Variants in SIRT7 observed in about 807,000 individuals in gnomAD.
The protein encoded by SIRT7 is NAD-dependent protein deacetylase sirtuin-7.
SIRT7 carries 32 observed loss-of-function variants against 42.8 expected under a neutral mutation model. That is an observed-to-expected ratio of 0.75 (90% CI 0.56 to 1.00). SIRT7 has a LOEUF of 1.00. SIRT7 is among the 50% of genes least tolerant of loss of function. The probability of loss-of-function intolerance (pLI) is 0.00; values close to 1 mark genes in which losing one functional copy is unlikely to be tolerated. For missense variants in SIRT7, 553 were observed against 572.2 expected, an observed-to-expected ratio of 0.97 and a Z score of 0.34; for synonymous variants, 297 against 245.2, an observed-to-expected ratio of 1.21 and a Z score of -1.97.
In SIRT7 at chr17:81,915,643, C is replaced by G. The variant is rs777713980; in HGVS notation, c.375G>C (p.Val125=). The part of the protein sequence containing the change: ...SIPDYRGPNG[V]WTLLQKGRSV... ...TTCTCCCTTTCTGAAGCAGTGTCCA[C>G]ACTCCATTAGGGCCCCGGTAGTCTG... is the stretch of plus-strand genomic sequence containing the variant. Residue 125 remains valine (V), a synonymous_variant, in exon 4 of 10, where the codon GTG becomes GTC. Transcript: ENST00000328666. 27 of 1,613,842 alleles carry G rather than the reference C, an allele frequency of 1.7e-5. No individual in the cohort carries two copies. The highest frequency in any genetic ancestry group is 2.3e-5 in the Non-Finnish European group (27 of 1,180,020).
At chr17:81,912,720 C>A in intron 9 of SIRT7, 106 bp from the exon 10 acceptor site, 1 of 1,236,056 alleles carries the variant, frequency 8.1e-7, no homozygotes, top group Non-Finnish European at 1.2e-6. Context: ...CCATCCCCTT[C>A]CCTCCCGTGT....
In SIRT7 at chr17:81,914,285, G is replaced by C. The variant is rs199842246; in HGVS notation, c.816+9C>G. ...GGCTCGGTTCACTCATTGTGTCATC[G>C]GCACGTACCTTCAGGCTGGACCCTA... is the stretch of plus-strand genomic sequence containing the variant. On this transcript the variant is annotated intron_variant, in intron 7 of 9. Coordinates refer to ENST00000328666, the MANE Select transcript of SIRT7 (RefSeq NM_016538.3). The C allele has an allele frequency of 3.1e-6, 5 of 1,612,940 alleles. No individual in the cohort carries two copies. In the African/African-American group the frequency reaches 5.3e-5, roughly 17 times the overall value.
chr17:81,913,890 G>A lies in SIRT7; in HGVS notation c.898-10C>T, dbSNP rs2040740635. The A allele has an allele frequency of 2.6e-6, 4 of 1,550,756 alleles. No homozygotes were observed. The highest frequency in any genetic ancestry group is 3.5e-6 in the Non-Finnish European group (4 of 1,147,362). ...CATCCTTCGGGGTCCACTGAGGACA[G>A]GGAAAGCCGAGTGAGAGTAACAGCA... On this transcript the variant is annotated splice_polypyrimidine_tract_variant and intron_variant, in intron 8 of 9. Coordinates refer to ENST00000328666, the MANE Select transcript of SIRT7 (RefSeq NM_016538.3). This position sits in a 1 kb window ranked among gnomAD's most constrained non-coding sequence, Gnocchi z 5.0.
chr17:81,914,547 A>C lies in SIRT7; in HGVS notation c.580-17T>G. 6.2e-7 allele frequency: 1 copy of C among 1,612,978 alleles called. No homozygotes were observed. The highest frequency in any genetic ancestry group is 8.5e-7 in the Non-Finnish European group (1 of 1,179,828). On this transcript the variant is annotated splice_polypyrimidine_tract_variant and intron_variant, in intron 6 of 9. Coordinates refer to ENST00000328666, the MANE Select transcript of SIRT7 (RefSeq NM_016538.3). ...GGTACAGACCTAGAGGCAAGAGGGC[A>C]CAGTGAGTGGGACCCGCCTGCCCAT...
intron 3 of SIRT7, 21 bp from the exon 4 acceptor site, chr17:81,915,702 T>C (rs1299559563): frequency 6.2e-7 from 1 of 1,612,598 alleles, no homozygotes; most frequent in Non-Finnish European, 8.5e-7. Flanking sequence ...AGAAAAAAGG[T>C]AAGCCAAGTC....
intron 5 of SIRT7, 176 bp from the exon 6 acceptor site, chr17:81,914,878 G>A: frequency 1.6e-6 from 1 of 606,866 alleles, no homozygotes; most frequent in East Asian, 2.8e-5. Context: ...CAACCACCAG[G>A]AGTCAAGAGG....
intron 6 of SIRT7, 37 bp from the exon 7 acceptor site, chr17:81,914,567 G>A: frequency 6.2e-7 from 1 of 1,612,474 alleles, no homozygotes. Context: ...GGACCCGCCT[G>A]CCCATGGAGA....
rs1475483196 is a variant in SIRT7, at chr17:81,918,093, C to A, written c.39G>T (p.Ala13=). The part of the protein sequence containing the change: ...AGGLSRSERK[A]AERVRRLREE... ...CCCGCAACCTCCGGACCCGCTCCGC[C>A]GCTTTGCGCTCGGAGCGGCTCAGAC... The change falls in exon 1 of 10, where the codon GCG becomes GCT. Residue 13 remains alanine, a synonymous_variant. Coordinates refer to ENST00000328666, the MANE Select transcript of SIRT7 (RefSeq NM_016538.3). 15 of 1,551,640 alleles carry A rather than the reference C, an allele frequency of 9.7e-6. No individual in the cohort carries two copies. Among genetic ancestry groups the A allele is most frequent in the Non-Finnish European group, 1.2e-5 (14 of 1,160,114 alleles).
At position 81,917,959 on chromosome 17, in the gene SIRT7, G is replaced by T; in HGVS notation, c.102C>A (p.Arg34=). The T allele has an allele frequency of 7.4e-7, 1 of 1,357,490 alleles. No homozygotes were observed. Among genetic ancestry groups the T allele is most frequent in the Non-Finnish European group, 9.4e-7 (1 of 1,061,466 alleles). The allele number at this position is 1,357,490 out of a possible 1,614,324, so 84.1% of individuals were successfully genotyped here. The change falls in exon 2 of 10, where the codon CGC becomes CGA. Residue 34 remains arginine (R), a synonymous_variant. Coordinates refer to ENST00000328666, the MANE Select transcript of SIRT7 (RefSeq NM_016538.3). The part of the protein sequence containing the change: ...QQRERLRQVS[R]ILRKAAAERS... ...GCTCCGCCGCCGCCTTCCTCAGGAT[G>T]CGCGACACCTGCGGGCAGGCGGACG...
Position 81,913,148 on chromosome 17 carries a change from T to TAA in SIRT7, c.1005-536_1005-535dup. 5.9e-6 allele frequency: 2 copies of TAA among 339,334 alleles called. No homozygotes were observed. Among genetic ancestry groups the TAA allele is most frequent in the South Asian group, 2.3e-5 (1 of 43,610 alleles). 21.0% of individuals were successfully genotyped at this position (339,334 alleles called of 1,614,324 possible). A position where few individuals can be genotyped will look rare whatever the true frequency, so the allele number is the denominator to read the frequency against. Reference sequence around the variant, plus strand: ...ATAAGGAAAATGAGCTAAGTTAATGTAAAAAAAAAATACAGTACACGATAG... The same window carrying TAA: ...ATAAGGAAAATGAGCTAAGTTAATGTAAAAAAAAAAAATACAGTACACGATAG... On this transcript the variant is annotated intron_variant, in intron 9 of 9. Coordinates refer to ENST00000328666, the MANE Select transcript of SIRT7 (RefSeq NM_016538.3). This position sits in a 1 kb window ranked among gnomAD's most constrained non-coding sequence, Gnocchi z 5.0.
chr17:81,912,794 G>C, intron 9 of SIRT7, 180 bp from the exon 10 acceptor site: 1 of 689,294 alleles, frequency 1.5e-6, no homozygotes, highest in Non-Finnish European at 2.5e-6. Context: ...ACGGATGTGG[G>C]AGAGGTCACC....
Position 81,918,041 on chromosome 17 carries a change from G to A in SIRT7, c.91C>T (p.Gln31Ter). The change falls in exon 1 of 10, where the codon CAG (glutamine) becomes TAG (stop). Residue 31 changes from glutamine to a stop codon, truncating the protein, a stop_gained and splice_region_variant. Transcript: ENST00000328666. LOFTEE classifies it high-confidence loss of function. ...GCCGGGGAGCGGCGGCGGCGTACCT[G>A]GCGGAGGCGCTCCCTCTGCTGCTCC... ...REEQQRERLR[Q>*]VSRILRKAAA... The A allele has an allele frequency of 6.7e-7, 1 of 1,500,902 alleles. No homozygotes were observed. Among genetic ancestry groups the A allele is most frequent in the Non-Finnish European group, 8.8e-7 (1 of 1,132,818 alleles). 93.0% of individuals were successfully genotyped at this position (1,500,902 alleles called of 1,614,324 possible).
Position 81,918,154 on chromosome 17 carries a change from T to A in SIRT7, c.-23A>T. ...CATCGCTCCCCTGGAGACCTGCTCT[T>A]CCGCTTCCGCCTCACACGGCAGGCC... On this transcript the variant is annotated 5_prime_UTR_variant, in exon 1 of 10. Transcript: ENST00000328666. 1 of 1,537,618 alleles carries A rather than the reference T, an allele frequency of 6.5e-7. No homozygotes were observed. Among genetic ancestry groups the A allele is most frequent in the Non-Finnish European group, 8.7e-7 (1 of 1,152,804 alleles).
Position 81,913,970 on chromosome 17 carries a change from C to G in SIRT7, c.898-90G>C. 1 of 1,545,170 alleles carries G rather than the reference C, an allele frequency of 6.5e-7. No homozygotes were observed. ...TTGGCCCCTACGGGCTCAGTCGGTG[C>G]TCCCTGAGCACCCACGGGGGCCCTA... On this transcript the variant is annotated intron_variant, in intron 8 of 9. Coordinates refer to ENST00000328666, the MANE Select transcript of SIRT7 (RefSeq NM_016538.3). This position sits in a 1 kb window ranked among gnomAD's most constrained non-coding sequence, Gnocchi z 5.0.
intron 9 of SIRT7, 143 bp from the exon 10 acceptor site, chr17:81,912,757 G>C: frequency 1.1e-6 from 1 of 872,214 alleles, no homozygotes; most frequent in Non-Finnish European, 1.8e-6. Context: ...CTGGTTGGCG[G>C]CAGCTTCATT....
chr17:81,915,362 G>A (rs2040775470), intron 5 of SIRT7, 78 bp downstream of exon 5: 3 of 1,487,124 alleles, frequency 2.0e-6, no homozygotes, highest in Non-Finnish European at 1.8e-6. Flanking sequence ...CAGAGGGCGG[G>A]TGCAGTTAGT....
At chr17:81,912,988 G>A (rs1439079692) in intron 9 of SIRT7, 6 of 377,464 alleles carry the variant, frequency 1.6e-5, no homozygotes, top group Non-Finnish European at 3.0e-5. Flanking sequence ...GTACCGCTGG[G>A]GCAGGTGGAC....
intron 3 of SIRT7, chr17:81,916,432 G>C (rs532475996): frequency 6.6e-6 from 1 of 150,792 alleles, no homozygotes; most frequent in Admixed American, 6.6e-5. Context: ...AACAGGTCAC[G>C]TGACTGTTAC....
In SIRT7 at chr17:81,918,138, C is replaced by G; in HGVS notation, c.-7G>C. 1.9e-6 allele frequency: 3 copies of G among 1,545,306 alleles called. No individual in the cohort carries two copies. Among genetic ancestry groups the G allele is most frequent in the East Asian group, 2.6e-5 (1 of 38,820 alleles). ...TCAGACCCCCGGCTGCCATCGCTCC[C>G]CTGGAGACCTGCTCTTCCGCTTCCG... On this transcript the variant is annotated 5_prime_UTR_variant, in exon 1 of 10. Coordinates refer to ENST00000328666, the MANE Select transcript of SIRT7 (RefSeq NM_016538.3).
Sources: allele counts gnomAD v4.1 joint callset, GRCh38; gene constraint gnomAD v4.1.1; non-coding constraint Gnocchi (gnomAD v3.1); transcripts MANE v1.5; gene names NCBI Gene and HGNC (gene_info 2026-07-23, HGNC 2026-07-21).